FBXO11: variants seen among roughly 807,000 people sequenced by gnomAD.
FBXO11 encodes F-box only protein 11.
A neutral mutation model predicts 117.0 loss-of-function variants in FBXO11; 13 were observed. The ratio of observed to expected loss-of-function variants is 0.11; its 90% confidence interval spans 0.07 to 0.18. The LOEUF is 0.18. FBXO11 is among the 10% of genes least tolerant of loss of function. FBXO11 has a pLI of 1.00. For synonymous variants in FBXO11, 490 were observed against 380.5 expected, an observed-to-expected ratio of 1.29 and a Z score of -3.35; for missense variants, 767 against 1,164.4, an observed-to-expected ratio of 0.66 and a Z score of 4.97.
chr2:47,861,830 T>C (rs773675530), intron 1 of FBXO11, among the ~76,000 whole-genome samples: 1 of 152,184 alleles, frequency 6.6e-6, no homozygotes, highest in African/African-American at 2.4e-5. Context: ...CTAAGGCCCA[T>C]GTTGGCACAA....
intron 1 of FBXO11, among the ~76,000 whole-genome samples, chr2:47,894,877 G>C (rs1445938707): frequency 6.6e-6 from 1 of 152,136 alleles, no homozygotes; most frequent in East Asian, 1.9e-4. Context: ...AAAGAACACA[G>C]CAGTCTCCTC....
chr2:47,814,417 A>G (rs1670863977), intron 16 of FBXO11: 1 of 124,510 alleles, frequency 8.0e-6, no homozygotes, highest in South Asian at 2.8e-4. Flanking sequence ...TTGCTCTGTC[A>G]CCCAGGCTGG....
intron 15 of FBXO11, 37 bp from the exon 16 acceptor site, chr2:47,818,901 GA>G: frequency 6.3e-7 from 1 of 1,578,612 alleles, no homozygotes; most frequent in Non-Finnish European, 8.5e-7. Flanking sequence ...TTTTTCAAGG[GA>G]CAAGTATTTA....
At position 47,807,430 on chromosome 2, in the gene FBXO11, A is replaced by G. The variant is rs184465883; in HGVS notation, c.*688T>C. 9 of 205,750 alleles carry G rather than the reference A, an allele frequency of 4.4e-5. No individual in the cohort carries two copies. Among genetic ancestry groups the G allele is most frequent in the Non-Finnish European group, 7.0e-5 (7 of 100,364 alleles). 12.7% of individuals were successfully genotyped at this position (205,750 alleles called of 1,614,324 possible). A position where few individuals can be genotyped will look rare whatever the true frequency, so the allele number is the denominator to read the frequency against. ...AATGCTGCACAGGGAAGGGAAGGAA[A>G]TAATAGTCTTAACTTTTCTTAAAGG... On this transcript the variant is annotated 3_prime_UTR_variant, in exon 23 of 23. Transcript: ENST00000403359.
chr2:47,841,743 C>T (rs1272031491), intron 1 of FBXO11, among the ~76,000 whole-genome samples: 2 of 152,114 alleles, frequency 1.3e-5, no homozygotes, highest in South Asian at 2.1e-4. Flanking sequence ...TGGGTTCACG[C>T]CATTCCCCTG....
At chr2:47,812,878 C>T (rs1670723450) in intron 18 of FBXO11, 1 of 254,754 alleles carries the variant, frequency 3.9e-6, no homozygotes, top group African/African-American at 2.3e-5. Flanking sequence ...TTACTAAAGA[C>T]ATTTTCAGAT....
chr2:47,815,215 GA>G (rs1670925370), intron 16 of FBXO11, among the ~76,000 whole-genome samples: 1 of 152,152 alleles, frequency 6.6e-6, no homozygotes, highest in African/African-American at 2.4e-5. Flanking sequence ...CATCCACGCA[GA>G]AATGTGATTG....
intron 1 of FBXO11, among the ~76,000 whole-genome samples, chr2:47,886,139 T>C (rs1038076636): frequency 6.6e-6 from 1 of 152,142 alleles, no homozygotes; most frequent in African/African-American, 2.4e-5. Context: ...ACATGGGCAT[T>C]TTAAAATATA....
At chr2:47,817,664 T>C (rs1432334447) in intron 16 of FBXO11, among the ~76,000 whole-genome samples, 1 of 152,194 alleles carries the variant, frequency 6.6e-6, no homozygotes, top group Non-Finnish European at 1.5e-5. Context: ...TAGAGGCCAT[T>C]TGAGGATTAC....
At chr2:47,872,431 T>C (rs368845163) in intron 1 of FBXO11, among the ~76,000 whole-genome samples, 4 of 152,276 alleles carry the variant, frequency 2.6e-5, no homozygotes, top group African/African-American at 9.6e-5. Flanking sequence ...TTCAAGCAAT[T>C]CTCTGCCTCA....
chr2:47,884,167 C>A (rs182739011), intron 1 of FBXO11, among the ~76,000 whole-genome samples: 71 of 152,132 alleles, frequency 4.7e-4, no homozygotes, highest in African/African-American at 1.7e-3. Context: ...TTCAGTGAGC[C>A]GAGATTGTGC....
chr2:47,814,248 T>C (rs918402355), intron 16 of FBXO11: 1 of 190,110 alleles, frequency 5.3e-6, no homozygotes, highest in Non-Finnish European at 1.1e-5. Flanking sequence ...ATCAATTTTT[T>C]GGTTTACATT....
chr2:47,885,252 G>C (rs774896233), intron 1 of FBXO11, among the ~76,000 whole-genome samples: 31 of 152,164 alleles, frequency 2.0e-4, no homozygotes, highest in Non-Finnish European at 4.4e-5. Context: ...CTTTACTACA[G>C]TGTCAAAAAA....
intron 1 of FBXO11, among the ~76,000 whole-genome samples, chr2:47,894,720 G>C (rs1029358026): frequency 3.9e-5 from 6 of 152,066 alleles, no homozygotes; most frequent in Admixed American, 2.0e-4. Context: ...AAAATTAAAA[G>C]AACTATTAAA....
chr2:47,890,680 C>T (rs1162700039), intron 1 of FBXO11, among the ~76,000 whole-genome samples: 1 of 152,032 alleles, frequency 6.6e-6, no homozygotes, highest in Non-Finnish European at 1.5e-5. Context: ...TGGCAAGCGC[C>T]TATAACCCCA....
At chr2:47,901,395 A>T (rs1398768310) in intron 1 of FBXO11, among the ~76,000 whole-genome samples, 1 of 151,934 alleles carries the variant, frequency 6.6e-6, no homozygotes, top group African/African-American at 2.4e-5. Flanking sequence ...CTAGAAAAAA[A>T]ATACATCTAT....
chr2:47,873,435 C>A (rs150546417), intron 1 of FBXO11, among the ~76,000 whole-genome samples: 1 of 151,758 alleles, frequency 6.6e-6, no homozygotes, highest in Non-Finnish European at 1.5e-5. Context: ...TTGCCCTACA[C>A]GTGGCCCTCA....
chr2:47,884,664 C>T (rs1433860447), intron 1 of FBXO11, among the ~76,000 whole-genome samples: 4 of 152,206 alleles, frequency 2.6e-5, no homozygotes, highest in Admixed American at 6.5e-5. Flanking sequence ...AAACTCACAG[C>T]ACCATCCTGA....
chr2:47,904,469 G>A (rs1467932773), intron 1 of FBXO11, among the ~76,000 whole-genome samples: 1 of 152,106 alleles, frequency 6.6e-6, no homozygotes. Context: ...TTTCAACCTC[G>A]GGGAGCCTCA....
Sources: gnomAD v4.1 joint callset for allele counts (sites outside exome capture counted in the v4.1 genomes callset) on GRCh38, gnomAD v4.1.1 for gene constraint, MANE v1.5 for transcripts, NCBI Gene and HGNC (gene_info 2026-07-23, HGNC 2026-07-21) for gene names.